The following PDE8A variants were observed in gnomAD, a reference collection of about 807,000 sequenced individuals.
PDE8A encodes the protein phosphodiesterase 8A.
A neutral mutation model predicts 105.0 loss-of-function variants in PDE8A; 59 were observed. The ratio of observed to expected loss-of-function variants is 0.56; its 90% CI spans 0.46 to 0.70. PDE8A has a LOEUF of 0.70. Among genes scored for constraint, PDE8A ranks in the 30% least tolerant of loss-of-function variants. PDE8A has a pLI of 0.00. For missense variants in PDE8A, 1,014 were observed against 1,045.9 expected, an observed-to-expected ratio of 0.97 and a Z score of 0.42; for synonymous variants, 355 against 371.9, an observed-to-expected ratio of 0.95 and a Z score of 0.52.
chr15:85,038,797 C>T (rs759026540), intron 1 of PDE8A, among the ~76,000 whole-genome samples: 2 of 152,060 alleles, frequency 1.3e-5, no homozygotes, highest in African/African-American at 2.4e-5. Flanking sequence ...AATATATCAC[C>T]TCATACCTTT....
At chr15:85,127,052 C>T (rs535632743) in intron 20 of PDE8A, among the ~76,000 whole-genome samples, 3 of 152,016 alleles carry the variant, frequency 2.0e-5, no homozygotes, top group East Asian at 1.9e-4. Flanking sequence ...AAAAGTTAGC[C>T]GGGCATAGTG....
rs2082412182 is a variant in PDE8A at position 85,136,482 on chromosome 15, G to C, written c.2254-52G>C. 4 of 1,579,306 alleles carry C rather than the reference G, an allele frequency of 2.5e-6. No homozygotes were observed. In the African/African-American group the frequency reaches 5.4e-5, roughly 21 times the overall value. On this transcript the variant is annotated intron_variant, in intron 20 of 21. Coordinates refer to ENST00000394553, the MANE Select transcript of PDE8A (RefSeq NM_002605.3). ...TTCCTGGGGGAGGGGCTGCCCCTAG[G>C]TGGAGTGGAACCAGATGTTGGGGTC...
At chr15:84,996,237 T>A (rs2142165052) in intron 1 of PDE8A, among the ~76,000 whole-genome samples, 1 of 152,162 alleles carries the variant, frequency 6.6e-6, no homozygotes, top group East Asian at 1.9e-4. Context: ...CAGGCTGGAG[T>A]GCAGTGGCAG....
chr15:85,067,269 A>G lies in PDE8A; in HGVS notation c.434+65A>G, dbSNP rs2081244608. The G allele has an allele frequency of 1.1e-5, 13 of 1,156,258 alleles. No homozygotes were observed. In the East Asian group the frequency reaches 2.7e-4, roughly 24 times the overall value. 71.6% of individuals were successfully genotyped at this position (1,156,258 alleles called of 1,614,324 possible). On this transcript the variant is annotated intron_variant, in intron 3 of 21. Transcript: ENST00000394553. The stretch of plus-strand genomic sequence containing the variant: ...TTCTGACAATACATGCAGCCTAGAA[A>G]TAGATTAAATTAGACTCACTCTCTT...
chr15:85,106,738 A>T (rs984036478), intron 11 of PDE8A, among the ~76,000 whole-genome samples: 10 of 152,174 alleles, frequency 6.6e-5, no homozygotes, highest in African/African-American at 2.4e-4. Context: ...CATTCATGGG[A>T]AACAGTGAGA....
At chr15:85,049,172 A>C (rs1315997649) in intron 1 of PDE8A, among the ~76,000 whole-genome samples, 1 of 152,228 alleles carries the variant, frequency 6.6e-6, no homozygotes, top group Non-Finnish European at 1.5e-5. Context: ...CCTGATTTTA[A>C]AAAATATGGT....
chr15:85,098,889 C>T (rs1567283987), intron 9 of PDE8A, among the ~76,000 whole-genome samples: 1 of 151,008 alleles, frequency 6.6e-6, no homozygotes, highest in Non-Finnish European at 1.5e-5. Flanking sequence ...CTTGGGAGGT[C>T]GAGGCTGCAG....
intron 1 of PDE8A, among the ~76,000 whole-genome samples, chr15:84,997,398 A>G (rs894101213): frequency 1.3e-5 from 2 of 150,930 alleles, no homozygotes; most frequent in Admixed American, 6.6e-5. Flanking sequence ...GTCTTGCTAT[A>G]TTGTCCAGGC....
At chr15:85,101,513 A>G (rs372778896) in intron 11 of PDE8A, among the ~76,000 whole-genome samples, 2 of 152,200 alleles carry the variant, frequency 1.3e-5, no homozygotes, top group South Asian at 2.1e-4. Flanking sequence ...ATTTGGGTCA[A>G]TAAGAATCCT....
intron 20 of PDE8A, among the ~76,000 whole-genome samples, chr15:85,131,731 C>A (rs2082332954): frequency 6.6e-6 from 1 of 152,076 alleles, no homozygotes; most frequent in East Asian, 1.9e-4. Context: ...GTCTAGCTTC[C>A]TTTTATTTCA....
At chr15:85,097,447 C>T (rs753550092) in intron 8 of PDE8A, among the ~76,000 whole-genome samples, 3 of 152,064 alleles carry the variant, frequency 2.0e-5, no homozygotes, top group Non-Finnish European at 2.9e-5. Context: ...TGGCTGTTAT[C>T]TCATCCTCCA....
Position 85,078,372 on chromosome 15 carries a change from C to A in PDE8A, c.546+1585C>A, listed in dbSNP as rs1006713443. Among the ~76,000 whole-genome samples, 7 of 151,442 alleles carry A rather than the reference C, an allele frequency of 4.6e-5. No individual in the cohort carries two copies. In the South Asian group the frequency reaches 1.0e-3, roughly 23 times the overall value. On this transcript the variant is annotated intron_variant, in intron 5 of 21. Coordinates refer to ENST00000394553, the MANE Select transcript of PDE8A (RefSeq NM_002605.3). ...ACCATCCTGGCCAACATGGTGAAAC[C>A]CTGTCTTGACTAAAAATACAAAAAT... is the stretch of plus-strand genomic sequence containing the variant.
upstream of PDE8A, among the ~76,000 whole-genome samples, chr15:84,981,151 G>A (rs1180605543): frequency 3.9e-5 from 6 of 152,236 alleles, no homozygotes; most frequent in Non-Finnish European, 7.3e-5. Context: ...TGGCGGTCGG[G>A]CTTCTGGTGG....
At chr15:85,004,246 G>A (rs2080110524) in intron 1 of PDE8A, among the ~76,000 whole-genome samples, 1 of 152,160 alleles carries the variant, frequency 6.6e-6, no homozygotes, top group African/African-American at 2.4e-5. Context: ...CCAGCTCTAG[G>A]GTGGGCCCCA....
At chr15:85,090,975 C>G in intron 7 of PDE8A, 69 bp from the exon 8 acceptor site, 1 of 1,419,316 alleles carries the variant, frequency 7.0e-7, no homozygotes, top group Non-Finnish European at 9.7e-7. Flanking sequence ...AGGTCGAAGA[C>G]CTTTGATTGT....
chr15:85,108,871 T>C (rs767059615), intron 11 of PDE8A, among the ~76,000 whole-genome samples, 182 bp from the exon 12 acceptor site: 4 of 152,202 alleles, frequency 2.6e-5, no homozygotes, highest in Non-Finnish European at 5.9e-5. Flanking sequence ...TGGTGGGACA[T>C]TTTGAGAAAC....
rs112741700 is a variant in PDE8A, at chr15:85,136,879, C to T, written c.2383+216C>T. ...GTCTTTATGCCTGTTTTATAGATGA[C>T]GGGATTGAACTTGGGGCCCCACAGC... On this transcript the variant is annotated intron_variant, in intron 21 of 21. Transcript: ENST00000394553. Among the ~76,000 whole-genome samples, 1,268 of 152,132 alleles carry T rather than the reference C, an allele frequency of 8.3e-3. 13 individuals carry two copies. The highest frequency in any genetic ancestry group is 0.029 in the African/African-American group (1,217 of 41,500).
intron 1 of PDE8A, among the ~76,000 whole-genome samples, chr15:85,002,510 A>G (rs1249901523): frequency 6.6e-6 from 1 of 152,194 alleles, no homozygotes; most frequent in Non-Finnish European, 1.5e-5. Context: ...TGGTCCCTGA[A>G]CACATCTTTC....
chr15:85,049,582 C>T (rs1430071898), intron 1 of PDE8A, among the ~76,000 whole-genome samples: 1 of 152,142 alleles, frequency 6.6e-6, no homozygotes, highest in Non-Finnish European at 1.5e-5. Context: ...TTTTAAAATA[C>T]ATTTATTCTT....
Sources: allele counts gnomAD v4.1 joint callset (sites outside exome capture counted in the v4.1 genomes callset), GRCh38; gene constraint gnomAD v4.1.1; transcripts MANE v1.5; gene names NCBI Gene and HGNC (gene_info 2026-07-23, HGNC 2026-07-21).